The following IL1RAPL1 variants were observed in gnomAD, a reference collection of about 807,000 sequenced individuals.
The protein encoded by IL1RAPL1 is interleukin-1 receptor accessory protein-like 1.
Under a neutral mutation model 48.4 loss-of-function variants are expected in IL1RAPL1, and 3 were observed. That is an observed-to-expected ratio of 0.06 (90% CI 0.03 to 0.16). IL1RAPL1 has a LOEUF of 0.16. Ranked by LOEUF, IL1RAPL1 falls within the 10% of genes least tolerant of loss-of-function variation. The probability of loss-of-function intolerance (pLI) is 1.00; values close to 1 mark genes in which losing one functional copy is unlikely to be tolerated. For synonymous variants in IL1RAPL1, 185 were observed against 187.7 expected (o/e 0.99, Z 0.12); for missense variants, 349 against 530.6 (o/e 0.66, Z 3.36).
At chrX:29,320,520 A>ACGGTGGC (rs1384064027) in intron 3 of IL1RAPL1, among the ~76,000 whole-genome samples, 1 of 112,290 alleles carries the variant, frequency 8.9e-6, no homozygotes, top group Non-Finnish European at 1.9e-5. Context: ...CATGCCTGTA[A>ACGGTGGC]TCCCAGCGAT....
chrX:29,762,786 G>GAT (rs772034177), intron 6 of IL1RAPL1, among the ~76,000 whole-genome samples: 2 of 111,612 alleles, frequency 1.8e-5, no homozygotes, highest in East Asian at 5.7e-4. Flanking sequence ...TTCACTTCCA[G>GAT]ATAAAGATGG....
chrX:29,200,435 C>T (rs917360111), intron 2 of IL1RAPL1, among the ~76,000 whole-genome samples: 7 of 111,667 alleles, frequency 6.3e-5, no homozygotes, highest in African/African-American at 2.3e-4. Flanking sequence ...GATCACTCAT[C>T]CTAGTGATGT....
intron 1 of IL1RAPL1, among the ~76,000 whole-genome samples, chrX:28,687,893 G>A (rs1252722355): frequency 9.0e-6 from 1 of 111,171 alleles, no homozygotes; most frequent in Non-Finnish European, 1.9e-5. Flanking sequence ...CCTGAGGTCA[G>A]GAGTTAGAGA....
chrX:29,784,347 T>C (rs1165421434), intron 6 of IL1RAPL1, among the ~76,000 whole-genome samples: 1 of 111,624 alleles, frequency 9.0e-6, no homozygotes, highest in African/African-American at 3.3e-5. Flanking sequence ...TACCTTGGGA[T>C]TATTCAGTTC....
chrX:29,934,709 A>G (rs1933002397), intron 8 of IL1RAPL1, among the ~76,000 whole-genome samples: 1 of 111,672 alleles, frequency 9.0e-6, no homozygotes, highest in Non-Finnish European at 1.9e-5. Context: ...CACACACAAC[A>G]TATCATTGCT....
At chrX:29,057,930 TC>T (rs1274846413) in intron 2 of IL1RAPL1, among the ~76,000 whole-genome samples, 8 of 111,647 alleles carry the variant, frequency 7.2e-5, no homozygotes, top group Non-Finnish European at 9.4e-5. Flanking sequence ...AAAACCCTGT[TC>T]CCTATTTAAG....
intron 2 of IL1RAPL1, among the ~76,000 whole-genome samples, chrX:29,051,208 G>T (rs1927086315): frequency 1.8e-5 from 2 of 111,905 alleles, no homozygotes. Context: ...CGATATCTTT[G>T]CCTGAAGTAA....
intron 1 of IL1RAPL1, among the ~76,000 whole-genome samples, chrX:28,762,786 G>GCGCGCGCACACACACA (rs1366464632): frequency 4.0e-4 from 25 of 63,003 alleles, no homozygotes; most frequent in Admixed American, 1.9e-3. Context: ...GCACGCGCGC[G>GCGCGCGCACACACACA]CACACACACA....
chrX:29,410,591 C>T (rs1934131872), intron 5 of IL1RAPL1, among the ~76,000 whole-genome samples: 1 of 111,482 alleles, frequency 9.0e-6, no homozygotes, highest in African/African-American at 3.3e-5. Flanking sequence ...AAAAGATGAA[C>T]ATCCATTTCT....
intron 1 of IL1RAPL1, among the ~76,000 whole-genome samples, chrX:28,639,899 G>C (rs1487458383): frequency 8.9e-6 from 1 of 111,936 alleles, no homozygotes; most frequent in East Asian, 2.8e-4. Context: ...ATTAGGGTGA[G>C]ACAACTCTAG....
chrX:28,652,363 T>C (rs1056545969), intron 1 of IL1RAPL1, among the ~76,000 whole-genome samples: 3 of 112,011 alleles, frequency 2.7e-5, no homozygotes, highest in African/African-American at 9.7e-5. Flanking sequence ...TGCAAGCATC[T>C]TTATTACAAA....
At chrX:29,610,812 C>T (rs143062801) in intron 5 of IL1RAPL1, among the ~76,000 whole-genome samples, 3 of 112,096 alleles carry the variant, frequency 2.7e-5, no homozygotes, top group East Asian at 2.8e-4. Context: ...TCCTGCCCCA[C>T]AGTGGCGTCT....
chrX:29,906,133 G>C (rs1380696387), intron 6 of IL1RAPL1, among the ~76,000 whole-genome samples: 1 of 108,325 alleles, frequency 9.2e-6, no homozygotes, highest in Non-Finnish European at 1.9e-5. Flanking sequence ...TCAGGAGATC[G>C]AGACCATCCT....
chrX:29,673,415 T>C lies in IL1RAPL1; in HGVS notation c.778+4911T>C, dbSNP rs887669878. Among the ~76,000 whole-genome samples the C allele has an allele frequency of 5.4e-5, 6 of 111,574 alleles. No homozygotes were observed. In the South Asian group the frequency reaches 1.1e-3, roughly 21 times the overall value. On this transcript the variant is annotated intron_variant, in intron 6 of 10. Coordinates refer to ENST00000378993, the MANE Select transcript of IL1RAPL1 (RefSeq NM_014271.4). ...AGTCAGTATCGGCCAGATTTTCTCA[T>C]CTACATTCACGCTACTGGTTGTCAT...
intron 6 of IL1RAPL1, among the ~76,000 whole-genome samples, chrX:29,682,288 A>T (rs1324395512): frequency 1.8e-5 from 2 of 111,072 alleles, no homozygotes; most frequent in African/African-American, 3.3e-5. Flanking sequence ...TTTTGTCTTT[A>T]TAGTCTCATG....
rs1330607163 is a variant in IL1RAPL1, at chrX:29,200,655, G to A, written c.83-82283G>A. The stretch of plus-strand genomic sequence containing the variant: ...GATTGACATATTTATAGCATATCTG[G>A]GCAGGATATAGCAACTAGAGCTGTA... On this transcript the variant is annotated intron_variant, in intron 2 of 10. Coordinates refer to ENST00000378993, the MANE Select transcript of IL1RAPL1 (RefSeq NM_014271.4). Among the ~76,000 whole-genome samples the A allele has an allele frequency of 2.7e-5, 3 of 110,644 alleles. No individual in the cohort carries two copies. The East Asian group carries it at 8.5e-4, about 31-fold the overall frequency.
chrX:29,813,130 G>A (rs1746102788), intron 6 of IL1RAPL1, among the ~76,000 whole-genome samples: 1 of 111,539 alleles, frequency 9.0e-6, no homozygotes, highest in Non-Finnish European at 1.9e-5. Flanking sequence ...ATAATCTGAG[G>A]AAGTTTCATT....
chrX:29,883,533 C>T (rs780171334), intron 6 of IL1RAPL1, among the ~76,000 whole-genome samples: 13 of 112,098 alleles, frequency 1.2e-4, no homozygotes, highest in Non-Finnish European at 1.7e-4. Flanking sequence ...TCTGTTCTGA[C>T]GTAATTTAAG....
chrX:29,011,207 T>C (rs993141455), intron 2 of IL1RAPL1, among the ~76,000 whole-genome samples: 1 of 111,545 alleles, frequency 9.0e-6, no homozygotes, highest in African/African-American at 3.3e-5. Flanking sequence ...TAGAAAACAG[T>C]CTCTTAAGGC....
Sources: allele counts gnomAD v4.1 joint callset (sites outside exome capture counted in the v4.1 genomes callset), GRCh38; gene constraint gnomAD v4.1.1; transcripts MANE v1.5; gene names NCBI Gene and HGNC (gene_info 2026-07-23, HGNC 2026-07-21).